Variants in TRAK1 observed in about 807,000 individuals in gnomAD.
The protein encoded by TRAK1 is trafficking kinesin-binding protein 1.
TRAK1 carries 33 observed loss-of-function variants against 92.1 expected under a neutral mutation model. That is an observed-to-expected ratio of 0.36 (90% confidence interval 0.27 to 0.48). The LOEUF is 0.48. TRAK1 is among the 20% of genes least tolerant of loss of function. The probability of loss-of-function intolerance (pLI) is 0.99; values close to 1 mark genes in which losing one functional copy is unlikely to be tolerated. For missense variants in TRAK1, 1,123 were observed against 1,257.9 expected (o/e 0.89, Z 1.62); for synonymous variants, 521 against 517.3 (o/e 1.01, Z -0.10).
chr3:42,083,571 T>C (rs1704532257), upstream of TRAK1, among the ~76,000 whole-genome samples: 1 of 152,184 alleles, frequency 6.6e-6, no homozygotes, highest in African/African-American at 2.4e-5. Flanking sequence ...TGACTATCTT[T>C]CACTTAAATT....
At chr3:42,139,116 G>A (rs1458898313) in intron 2 of TRAK1, among the ~76,000 whole-genome samples, 1 of 152,224 alleles carries the variant, frequency 6.6e-6, no homozygotes, top group East Asian at 1.9e-4. Context: ...ATGGCAAGAT[G>A]TATACATTAT....
At chr3:42,152,478 T>C (rs1700067920) in intron 2 of TRAK1, among the ~76,000 whole-genome samples, 1 of 152,214 alleles carries the variant, frequency 6.6e-6, no homozygotes, top group Admixed American at 6.5e-5. Flanking sequence ...TGGGAAATCA[T>C]TGAAAGTCAT....
intron 1 of TRAK1, among the ~76,000 whole-genome samples, chr3:42,024,105 C>T (rs917692745): frequency 2.0e-5 from 3 of 152,028 alleles, no homozygotes; most frequent in Non-Finnish European, 4.4e-5. Context: ...ACGTCTGGGC[C>T]TGACACTTCG....
At chr3:42,142,519 C>T (rs1157293227) in intron 2 of TRAK1, among the ~76,000 whole-genome samples, 1 of 152,220 alleles carries the variant, frequency 6.6e-6, no homozygotes, top group Non-Finnish European at 1.5e-5. Flanking sequence ...CGAGTATAGT[C>T]TGTGCCCACA....
chr3:42,072,428 C>G (rs1015658290), intron 1 of TRAK1, among the ~76,000 whole-genome samples: 3 of 152,140 alleles, frequency 2.0e-5, no homozygotes, highest in African/African-American at 7.2e-5. Flanking sequence ...TACGCAGGCT[C>G]TGCAGCTCAG....
chr3:42,031,200 T>TG (rs1440597023), intron 1 of TRAK1, among the ~76,000 whole-genome samples: 2 of 145,384 alleles, frequency 1.4e-5, no homozygotes, highest in African/African-American at 2.7e-5. Flanking sequence ...CATGCCTGGC[T>TG]AATTTTTTTT....
At chr3:42,025,681 G>C (rs1382105262) in intron 1 of TRAK1, among the ~76,000 whole-genome samples, 2 of 152,002 alleles carry the variant, frequency 1.3e-5, no homozygotes, top group African/African-American at 2.4e-5. Flanking sequence ...GCATGAATGT[G>C]GGGGAGGGCG....
Position 42,193,902 on chromosome 3 carries a change from A to G in TRAK1, c.975+4A>G. ...CCAGCGGCAGCTCACAGCCGAGGTG[A>G]GCACCTCTCCCTCATTCCTTCAGTG... On this transcript the variant is annotated splice_donor_region_variant and intron_variant, in intron 9 of 15. Coordinates refer to ENST00000327628, the MANE Select transcript of TRAK1 (RefSeq NM_001042646.3). 1 of 1,613,526 alleles carries G rather than the reference A, an allele frequency of 6.2e-7. No individual in the cohort carries two copies. Among genetic ancestry groups the G allele is most frequent in the East Asian group, 2.2e-5 (1 of 44,882 alleles).
At chr3:42,133,422 G>T (rs1194207333) in intron 2 of TRAK1, among the ~76,000 whole-genome samples, 1 of 152,086 alleles carries the variant, frequency 6.6e-6, no homozygotes, top group Non-Finnish European at 1.5e-5. Flanking sequence ...GTCTTGATAT[G>T]TTGCCTAGGC....
intron 2 of TRAK1, among the ~76,000 whole-genome samples, chr3:42,171,398 G>T (rs936176581): frequency 4.6e-5 from 7 of 152,264 alleles, no homozygotes; most frequent in African/African-American, 1.7e-4. Flanking sequence ...TTTTCTTAAA[G>T]AAGACTGATA....
At chr3:42,124,513 T>A (rs768239589) in intron 1 of TRAK1, among the ~76,000 whole-genome samples, 1 of 152,224 alleles carries the variant, frequency 6.6e-6, no homozygotes, top group African/African-American at 2.4e-5. Flanking sequence ...CATGTTTGCA[T>A]TTTAAAGGCC....
At chr3:42,194,750 T>C in intron 9 of TRAK1, 54 bp from the exon 10 acceptor site, 4 of 1,598,892 alleles carry the variant, frequency 2.5e-6, no homozygotes, top group African/African-American at 1.3e-5. Flanking sequence ...GGCAGATGTG[T>C]GTACACCTGG....
At position 42,200,965 on chromosome 3, in the gene TRAK1, G is replaced by T. The variant is rs1416804717; in HGVS notation, c.1338G>T (p.Arg446=). 1.2e-6 allele frequency: 2 copies of T among 1,614,038 alleles called. No homozygotes were observed. The highest frequency in any genetic ancestry group is 2.2e-5 in the East Asian group (1 of 44,892). The change falls in exon 12 of 16, where the codon CGG becomes CGT. Residue 446 remains arginine (R), a synonymous_variant. Coordinates refer to ENST00000327628, the MANE Select transcript of TRAK1 (RefSeq NM_001042646.3). ...TGTCCAGCTGCGTCAGCACCCCCCG[G>T]TCCAGCTTCTACGGCAGCGACATAG... ...SLLSSCVSTP[R]SSFYGSDIGN... is the part of the protein sequence containing the mutation.
At chr3:42,161,226 C>CAGA (rs1234322634) in intron 2 of TRAK1, among the ~76,000 whole-genome samples, 4 of 152,178 alleles carry the variant, frequency 2.6e-5, no homozygotes, top group African/African-American at 4.8e-5. Context: ...CCAGGGCTTT[C>CAGA]ACCCACAGCC....
chr3:42,181,829 GTCAGCCTCTGGAGAC>G (rs1704042004), intron 3 of TRAK1, among the ~76,000 whole-genome samples: 1 of 152,156 alleles, frequency 6.6e-6, no homozygotes, highest in South Asian at 2.1e-4. Context: ...CTAATTTTCA[GTCAGCCTCTGGAGAC>G]TTTAATTCTG....
chr3:42,030,564 T>C (rs1005427459), intron 1 of TRAK1, among the ~76,000 whole-genome samples: 4 of 148,124 alleles, frequency 2.7e-5, no homozygotes, highest in Non-Finnish European at 6.0e-5. Flanking sequence ...TCCCAGCTAT[T>C]TGGGAGACTG....
intron 1 of TRAK1, among the ~76,000 whole-genome samples, chr3:42,102,815 A>G (rs554384076): frequency 6.8e-4 from 103 of 151,978 alleles, no homozygotes; most frequent in African/African-American, 2.2e-3. Flanking sequence ...CCTGTGCACA[A>G]TGACCTTGGC....
chr3:42,023,239 T>C (rs1408142995), intron 1 of TRAK1, among the ~76,000 whole-genome samples: 1 of 152,010 alleles, frequency 6.6e-6, no homozygotes, highest in Non-Finnish European at 1.5e-5. Context: ...TTGTTCTTTA[T>C]AGTATACTGA....
chr3:42,183,453 G>A (rs950864766), intron 3 of TRAK1, among the ~76,000 whole-genome samples: 5 of 151,704 alleles, frequency 3.3e-5, no homozygotes, highest in African/African-American at 1.2e-4. Context: ...CTACCCAAGG[G>A]GCTGAGGCAG....
Sources: allele counts gnomAD v4.1 joint callset (sites outside exome capture counted in the v4.1 genomes callset), GRCh38; gene constraint gnomAD v4.1.1; transcripts MANE v1.5; gene names NCBI Gene and HGNC (gene_info 2026-07-23, HGNC 2026-07-21).